CRYZ: variants seen among roughly 807,000 people sequenced by gnomAD.
CRYZ encodes the protein crystallin zeta.
A neutral mutation model predicts 34.1 loss-of-function variants in CRYZ; 35 were observed. The ratio of observed to expected loss-of-function variants is 1.03; its 90% CI spans 0.78 to 1.36. The LOEUF is 1.36. Ranked by LOEUF, CRYZ falls within the 40% of genes most tolerant of loss-of-function variation. The probability of loss-of-function intolerance (pLI) is 0.00; values close to 1 mark genes in which losing one functional copy is unlikely to be tolerated. For missense variants in CRYZ, 403 were observed against 391.8 expected (o/e 1.03, Z -0.24); for synonymous variants, 137 against 136.5 (o/e 1.00, Z -0.03).
intron 4 of CRYZ, among the ~76,000 whole-genome samples, chr1:74,718,062 C>G (rs1197116936): frequency 6.6e-6 from 1 of 152,108 alleles, no homozygotes; most frequent in Non-Finnish European, 1.5e-5. Flanking sequence ...AAATCCAAAA[C>G]TGAATACAGC....
chr1:74,710,943 AG>A (rs1646993672), intron 5 of CRYZ, among the ~76,000 whole-genome samples: 1 of 152,242 alleles, frequency 6.6e-6, no homozygotes, highest in Non-Finnish European at 1.5e-5. Context: ...AGACAGGAAT[AG>A]GGGCTATTTA....
chr1:74,724,412 A>G (rs57396966), intron 2 of CRYZ, among the ~76,000 whole-genome samples: 7,577 of 152,280 alleles, frequency 0.05, 373 homozygotes, highest in African/African-American at 0.13. Flanking sequence ...TTTGTAATAG[A>G]ATAACTTATT....
chr1:74,719,177 T>C (rs763394914), intron 4 of CRYZ, 32 bp downstream of exon 4: 6 of 1,604,716 alleles, frequency 3.7e-6, no homozygotes, highest in East Asian at 2.2e-5. Context: ...TCTTTTGGCA[T>C]TGGCCATAAA....
Position 74,705,625 on chromosome 1 carries a change from C to G in CRYZ, c.*671G>C, listed in dbSNP as rs1254104355. 3.3e-5 allele frequency: 5 copies of G among 152,098 alleles called. No homozygotes were observed. The allele number at this position is 152,098 out of a possible 1,614,324, so 9.4% of individuals were successfully genotyped here. On this transcript the variant is annotated 3_prime_UTR_variant, in exon 9 of 9. Coordinates refer to ENST00000340866, the MANE Select transcript of CRYZ (RefSeq NM_001889.4). ...AAAAACAGATAACTCTAAATCTACTCTGAAAATCTAATCAATTGCGAAGTA... is the reference window on the plus strand; with the variant it reads ...AAAAACAGATAACTCTAAATCTACTGTGAAAATCTAATCAATTGCGAAGTA...
intron 5 of CRYZ, among the ~76,000 whole-genome samples, chr1:74,713,576 G>C (rs940933402): frequency 6.6e-6 from 1 of 152,050 alleles, no homozygotes; most frequent in Non-Finnish European, 1.5e-5. Context: ...AGGAAGCTAG[G>C]TGTGAAACCT....
Position 74,723,255 on chromosome 1 carries a change from G to A in CRYZ, c.127C>T (p.His43Tyr). Residue 43 changes from histidine to tyrosine, a missense_variant, in exon 3 of 9, where the codon CAT becomes TAT. By Grantham distance (83) the His-to-Tyr change is moderately conservative (BLOSUM62 2). Coordinates refer to ENST00000340866, the MANE Select transcript of CRYZ (RefSeq NM_001889.4). ...TCCACGGGGTTGACACCACATGCAT[G>A]GACCTTGATTAGAACCTGCAATGAC... ...PKDHQVLIKV[H>Y]ACGVNPVETY... is the part of the protein sequence containing the mutation. The A allele has an allele frequency of 6.2e-7, 1 of 1,608,052 alleles. No homozygotes were observed. The highest frequency in any genetic ancestry group is 8.5e-7 in the Non-Finnish European group (1 of 1,178,698).
chr1:74,732,152 C>T (rs533733385), intron 1 of CRYZ, among the ~76,000 whole-genome samples: 1 of 146,870 alleles, frequency 6.8e-6, no homozygotes, highest in African/African-American at 2.5e-5. Flanking sequence ...TACAGCTGGG[C>T]TGTGGGAAGG....
rs1322657263 is a variant in CRYZ at position 74,732,999 on chromosome 1, A to T, written c.-57T>A. 3 of 516,540 alleles carry T rather than the reference A, an allele frequency of 5.8e-6. No homozygotes were observed. Among genetic ancestry groups the T allele is most frequent in the Admixed American group, 3.6e-5 (1 of 27,604 alleles). The allele number at this position is 516,540 out of a possible 1,614,324, so 32.0% of individuals were successfully genotyped here. ...TTAAAATCTGCGTGGGCTTCTTCAG[A>T]TTCCACAGAAATGAGGACTGCCACA... On this transcript the variant is annotated 5_prime_UTR_variant, in exon 1 of 9. Transcript: ENST00000340866.
chr1:74,709,911 AT>A (rs1287401069), intron 6 of CRYZ, among the ~76,000 whole-genome samples, 186 bp downstream of exon 6: 2 of 152,132 alleles, frequency 1.3e-5, no homozygotes, highest in African/African-American at 4.8e-5. Context: ...TACAAAAATG[AT>A]AGTAAAAGTT....
chr1:74,712,508 G>A (rs1647018825), intron 5 of CRYZ, among the ~76,000 whole-genome samples: 2 of 152,202 alleles, frequency 1.3e-5, no homozygotes, highest in African/African-American at 4.8e-5. Flanking sequence ...GATTAAAGCT[G>A]TAACAGACTT....
intron 4 of CRYZ, among the ~76,000 whole-genome samples, chr1:74,716,219 T>C (rs1647072575): frequency 6.6e-6 from 1 of 152,034 alleles, no homozygotes; most frequent in Non-Finnish European, 1.5e-5. Context: ...TGTGTGTGTA[T>C]GTGTACAGAG....
intron 3 of CRYZ, among the ~76,000 whole-genome samples, chr1:74,722,586 C>A (rs2100721421): frequency 7.4e-6 from 1 of 135,100 alleles, no homozygotes. Context: ...ATGAATATGT[C>A]TTTGGGCATA....
rs776170601 is a variant in CRYZ at position 74,710,148 on chromosome 1, C to T, written c.580G>A (p.Ala194Thr). The T allele has an allele frequency of 5.0e-6, 8 of 1,613,688 alleles. No homozygotes were observed. The highest frequency in any genetic ancestry group is 5.9e-6 in the Non-Finnish European group (7 of 1,179,808). ...TCTCTGTGATTGAACACTTCATGGG[C>T]TCCATTTTGCAAAACAATCTTTTGT... is the stretch of plus-strand genomic sequence containing the variant. ...EGQKIVLQNG[A>T]HEVFNHREVN... The change falls in exon 6 of 9, where the codon GCC (alanine) becomes ACC (threonine). Residue 194 changes from alanine to threonine, a missense_variant. Physicochemically the swap from Ala to Thr is moderately conservative, Grantham distance 58 (BLOSUM62 0). Transcript: ENST00000340866.
intron 3 of CRYZ, among the ~76,000 whole-genome samples, chr1:74,721,766 A>G (rs72970010): frequency 0.05 from 7,570 of 152,254 alleles, 373 homozygotes; most frequent in African/African-American, 0.12. Flanking sequence ...AAGATAAGCT[A>G]GTTTTAGACA....
chr1:74,717,158 G>T (rs1219298472), intron 4 of CRYZ, among the ~76,000 whole-genome samples: 1 of 151,598 alleles, frequency 6.6e-6, no homozygotes, highest in African/African-American at 2.4e-5. Flanking sequence ...CTCTACCTAT[G>T]TCCTAAGTCC....
intron 4 of CRYZ, among the ~76,000 whole-genome samples, chr1:74,715,305 T>C (rs547276395): frequency 1.8e-4 from 28 of 152,340 alleles, no homozygotes; most frequent in African/African-American, 6.5e-4. Flanking sequence ...TTTTCTAGTA[T>C]GTACTGAAAA....
At chr1:74,719,846 A>G (rs77347054) in intron 3 of CRYZ, among the ~76,000 whole-genome samples, 2,111 of 152,180 alleles carry the variant, frequency 0.014, 34 homozygotes, top group East Asian at 0.056. Context: ...ATGGGAACCA[A>G]TGGGAAGAAA....
intron 1 of CRYZ, among the ~76,000 whole-genome samples, chr1:74,732,553 A>G (rs1233580653): frequency 7.0e-6 from 1 of 143,880 alleles, no homozygotes; most frequent in Non-Finnish European, 1.5e-5. Flanking sequence ...AGGAATCCCC[A>G]AACCCAGGCA....
chr1:74,712,947 C>T lies in CRYZ; in HGVS notation c.480+1632G>A, dbSNP rs182971193. Among the ~76,000 whole-genome samples, 448 of 152,278 alleles carry T rather than the reference C, an allele frequency of 2.9e-3. 2 individuals are homozygous for T. Among genetic ancestry groups the T allele is most frequent in the Non-Finnish European group, 4.5e-3 (307 of 68,026 alleles). ...ATTTTGCTAACACTAAAATAGGGCA[C>T]TCCTCACCAACATATCTGGATAATA... On this transcript the variant is annotated intron_variant, in intron 5 of 8. Coordinates refer to ENST00000340866, the MANE Select transcript of CRYZ (RefSeq NM_001889.4).
Sources: gnomAD v4.1 joint callset for allele counts (sites outside exome capture counted in the v4.1 genomes callset) on GRCh38, gnomAD v4.1.1 for gene constraint, MANE v1.5 for transcripts, NCBI Gene and HGNC (gene_info 2026-07-23, HGNC 2026-07-21) for gene names.